The following NRXN3 variants were observed in gnomAD, a reference collection of about 807,000 sequenced individuals.
The protein encoded by NRXN3 is neurexin III.
A neutral mutation model predicts 137.6 loss-of-function variants in NRXN3; 32 were observed. That is an observed-to-expected ratio of 0.23 (90% CI 0.18 to 0.31). The LOEUF (loss-of-function observed/expected upper bound fraction) is 0.31, where lower values mean the gene tolerates loss of function less well. NRXN3 is among the 10% of genes least tolerant of loss of function. The pLI is 1.00. For synonymous variants in NRXN3, 798 were observed against 784.5 expected, an observed-to-expected ratio of 1.02 and a Z score of -0.29; for missense variants, 1,574 against 2,062.5, an observed-to-expected ratio of 0.76 and a Z score of 4.59.
intron 19 of NRXN3, among the ~76,000 whole-genome samples, chr14:79,804,561 A>G (rs1403995929): frequency 2.0e-5 from 3 of 152,198 alleles, no homozygotes; most frequent in Non-Finnish European, 2.9e-5. Flanking sequence ...CAGCAATTAC[A>G]TGAAGGAATT....
intron 1 of NRXN3, among the ~76,000 whole-genome samples, chr14:78,210,295 AATAAGCTTCCTCTGGCCT>A (rs1326615166): frequency 6.6e-6 from 1 of 152,168 alleles, no homozygotes; most frequent in Non-Finnish European, 1.5e-5. Context: ...AGAAGGGATA[AATAAGCTTCCTCTGGCCT>A]CTGCTGTAAG....
intron 15 of NRXN3, among the ~76,000 whole-genome samples, chr14:79,405,451 T>G (rs993825804): frequency 1.3e-5 from 2 of 152,086 alleles, no homozygotes; most frequent in African/African-American, 4.8e-5. Context: ...CTTGGTGACA[T>G]AAGGTTTCTT....
chr14:79,833,557 A>G (rs890084148), intron 20 of NRXN3, among the ~76,000 whole-genome samples: 11 of 152,058 alleles, frequency 7.2e-5, no homozygotes, highest in Non-Finnish European at 1.6e-4. Flanking sequence ...TTACATGGGC[A>G]TTTTTACTAG....
intron 19 of NRXN3, among the ~76,000 whole-genome samples, chr14:79,765,926 TCAA>T (rs1243310864): frequency 6.6e-6 from 1 of 152,240 alleles, no homozygotes. Context: ...CAGTTTGCTT[TCAA>T]CAATAACTCC....
intron 16 of NRXN3, among the ~76,000 whole-genome samples, chr14:79,497,283 C>G (rs533609276): frequency 3.3e-5 from 5 of 152,026 alleles, no homozygotes; most frequent in Non-Finnish European, 7.4e-5. Flanking sequence ...AACCATAATC[C>G]CCCATGAACC....
intron 11 of NRXN3, among the ~76,000 whole-genome samples, chr14:78,960,221 G>T (rs976586673): frequency 5.3e-5 from 8 of 152,286 alleles, no homozygotes; most frequent in Admixed American, 3.3e-4. Flanking sequence ...GAAGGATAAA[G>T]AAATTTGAGA....
rs10667477 is a variant in NRXN3, at chr14:79,358,607, G to GAAAGAAGGAAAGAAAGAA, written c.3263-108613_3263-108612insAAGAAGGAAAGAAAGAAA. Among the ~76,000 whole-genome samples the GAAAGAAGGAAAGAAAGAA allele has an allele frequency of 6.9e-4, 55 of 79,984 alleles. 1 individual carries two copies. The highest frequency in any genetic ancestry group is 2.2e-3 in the African/African-American group (52 of 24,020). The allele number at this position is 79,984 out of a possible 152,430, so 52.5% of individuals were successfully genotyped here. On this transcript the variant is annotated intron_variant, in intron 15 of 20. Coordinates refer to ENST00000335750, the MANE Select transcript of NRXN3 (RefSeq NM_001330195.2). Reference sequence around the variant, plus strand: ...AGAGAGAAAGAAAGAAAGAAAGAAAGAGAAAGAAAGAAAGAAAGAAAGAAA... The same window carrying GAAAGAAGGAAAGAAAGAA: ...AGAGAGAAAGAAAGAAAGAAAGAAAGAAAGAAGGAAAGAAAGAAAGAAAGAAAGAAAGAAAGAAAGAAA...
chr14:79,676,410 A>G (rs1164709645), intron 17 of NRXN3, among the ~76,000 whole-genome samples: 2 of 151,280 alleles, frequency 1.3e-5, no homozygotes. Flanking sequence ...CTTCACTTTT[A>G]TTTTTTGCTT....
chr14:78,434,349 T>G (rs2093991293), intron 4 of NRXN3, among the ~76,000 whole-genome samples: 1 of 152,168 alleles, frequency 6.6e-6, no homozygotes, highest in South Asian at 2.1e-4. Flanking sequence ...ATGACTGTCT[T>G]CATATTTGTA....
At chr14:79,298,588 A>G (rs1420196230) in intron 15 of NRXN3, among the ~76,000 whole-genome samples, 9 of 152,132 alleles carry the variant, frequency 5.9e-5, no homozygotes, top group Admixed American at 5.9e-4. Context: ...GTAAATGATT[A>G]AGCAAGTGAG....
chr14:78,847,435 G>C (rs2099030326), intron 10 of NRXN3, among the ~76,000 whole-genome samples: 1 of 152,050 alleles, frequency 6.6e-6, no homozygotes. Context: ...GCTGTGTACT[G>C]TTCAAAAAGC....
At position 78,375,244 on chromosome 14, in the gene NRXN3, A is replaced by G. The variant is rs920372570; in HGVS notation, c.757+77384A>G. 2.0e-5 allele frequency among the ~76,000 whole-genome samples: 3 copies of G among 152,188 alleles called. No individual in the cohort carries two copies. In the South Asian group the frequency reaches 6.2e-4, roughly 31 times the overall value. ...TCTATTTATTAGAAAGTCTGTCTTT[A>G]TAGTAGGAAAAACTTTGCCTCTTTG... is the stretch of plus-strand genomic sequence containing the variant. On this transcript the variant is annotated intron_variant, in intron 4 of 20. Transcript: ENST00000335750.
chr14:78,251,587 C>G (rs1178340541), intron 2 of NRXN3, among the ~76,000 whole-genome samples: 1 of 152,150 alleles, frequency 6.6e-6, no homozygotes, highest in African/African-American at 2.4e-5. Context: ...AGTGACCATT[C>G]ATCACAGACA....
intron 10 of NRXN3, among the ~76,000 whole-genome samples, chr14:78,906,809 T>C (rs549832459): frequency 1.5e-3 from 226 of 152,070 alleles, no homozygotes; most frequent in Non-Finnish European, 2.9e-3. Flanking sequence ...CAGGCTTACA[T>C]ATAGCCATAT....
chr14:79,416,117 A>G (rs956774825), intron 15 of NRXN3, among the ~76,000 whole-genome samples: 2 of 152,130 alleles, frequency 1.3e-5, no homozygotes, highest in Non-Finnish European at 1.5e-5. Flanking sequence ...GTATTTTTTA[A>G]TGATTCCAAA....
chr14:78,746,509 A>G (rs1023143463), intron 8 of NRXN3, among the ~76,000 whole-genome samples: 3 of 152,152 alleles, frequency 2.0e-5, no homozygotes, highest in African/African-American at 7.2e-5. Context: ...CTGTTTGCTG[A>G]TTTTACAAGC....
At chr14:78,901,217 T>A (rs1471959268) in intron 10 of NRXN3, among the ~76,000 whole-genome samples, 1 of 151,562 alleles carries the variant, frequency 6.6e-6, no homozygotes, top group Non-Finnish European at 1.5e-5. Flanking sequence ...TCTGTATTTC[T>A]TGAACCATTT....
intron 15 of NRXN3, among the ~76,000 whole-genome samples, chr14:79,137,691 G>T (rs1471985784): frequency 1.3e-5 from 2 of 152,164 alleles, no homozygotes; most frequent in East Asian, 3.8e-4. Flanking sequence ...CCTGGATAAA[G>T]ATAGTAAGGC....
chr14:78,966,154 G>A lies in NRXN3; in HGVS notation c.2525G>A (p.Gly842Asp). 1 of 1,614,120 alleles carries A rather than the reference G, an allele frequency of 6.2e-7. No homozygotes were observed. The highest frequency in any genetic ancestry group is 8.5e-7 in the Non-Finnish European group (1 of 1,180,024). Residue 842 changes from glycine to aspartate, a missense_variant, in exon 12 of 21, where the codon GGC becomes GAC. Coordinates refer to ENST00000335750, the MANE Select transcript of NRXN3 (RefSeq NM_001330195.2). ...CATCTGCAGAGCCTCATGTTTAATG[G>A]CCTTCTCTACATTGACTTGTGCAAA... ...IGHLQSLMFN[G>D]LLYIDLCKNG...
Sources: allele counts gnomAD v4.1 joint callset (sites outside exome capture counted in the v4.1 genomes callset), GRCh38; gene constraint gnomAD v4.1.1; transcripts MANE v1.5; gene names NCBI Gene and HGNC (gene_info 2026-07-23, HGNC 2026-07-21).